Variants in ABI3BP observed in about 807,000 individuals in gnomAD.
ABI3BP encodes the protein ABI family member 3 binding protein.
In ABI3BP, 216 loss-of-function variants were observed where a neutral mutation model predicts 268.6. The observed-to-expected ratio is 0.80, with a 90% CI of 0.72 to 0.90. The LOEUF is 0.90. Among genes scored for constraint, ABI3BP ranks in the 40% least tolerant of loss-of-function variants. The probability of loss-of-function intolerance (pLI) is 0.00; values close to 1 mark genes in which losing one functional copy is unlikely to be tolerated. For synonymous variants in ABI3BP, 730 were observed against 730.0 expected (o/e 1.00, Z 0.00); for missense variants, 2,090 against 2,182.4 (o/e 0.96, Z 0.84).
chr3:100,827,869 C>T (rs912684412), intron 34 of ABI3BP, among the ~76,000 whole-genome samples: 7 of 152,030 alleles, frequency 4.6e-5, no homozygotes, highest in African/African-American at 7.2e-5. Flanking sequence ...ACTAAGGATA[C>T]AGTTTATTAT....
At chr3:100,971,017 T>C (rs2083360226) in intron 1 of ABI3BP, among the ~76,000 whole-genome samples, 1 of 152,220 alleles carries the variant, frequency 6.6e-6, no homozygotes, top group South Asian at 2.1e-4. Context: ...AGCTGCTTTC[T>C]TGGTAATTAT....
At chr3:100,937,356 T>C (rs952576552) in intron 1 of ABI3BP, among the ~76,000 whole-genome samples, 1 of 152,052 alleles carries the variant, frequency 6.6e-6, no homozygotes, top group Non-Finnish European at 1.5e-5. Context: ...CACAAGTCTG[T>C]GCAAAAACTT....
chr3:100,770,190 G>C (rs971658380), intron 62 of ABI3BP, among the ~76,000 whole-genome samples: 7 of 152,148 alleles, frequency 4.6e-5, no homozygotes, highest in Admixed American at 2.6e-4. Context: ...TGGAGAATCA[G>C]ACTGTTGTAT....
chr3:100,957,628 A>G (rs1050428666), intron 1 of ABI3BP, among the ~76,000 whole-genome samples: 5 of 152,180 alleles, frequency 3.3e-5, no homozygotes, highest in Non-Finnish European at 7.3e-5. Flanking sequence ...AATTTAAGAG[A>G]CTGGTAAAAT....
chr3:100,958,374 T>A (rs2077572670), intron 1 of ABI3BP, among the ~76,000 whole-genome samples: 1 of 152,138 alleles, frequency 6.6e-6, no homozygotes, highest in South Asian at 2.1e-4. Flanking sequence ...TTAGAGCGAG[T>A]GTACTTTGAG....
chr3:100,926,120 T>A lies in ABI3BP; in HGVS notation c.259+182A>T, dbSNP rs148904998. 6.6e-3 allele frequency among the ~76,000 whole-genome samples: 1,003 copies of A among 152,234 alleles called. 8 individuals are homozygous for A. The highest frequency in any genetic ancestry group is 0.021 in the African/African-American group (871 of 41,548). On this transcript the variant is annotated intron_variant, in intron 2 of 67. Transcript: ENST00000471714. The stretch of plus-strand genomic sequence containing the variant: ...GATAACTATTTCTGCATGTAATAAT[T>A]TTTTTAATGTAAAGAATTATGCTAT...
At chr3:100,793,426 T>A (rs1560149702) in intron 54 of ABI3BP, among the ~76,000 whole-genome samples, 1 of 152,036 alleles carries the variant, frequency 6.6e-6, no homozygotes, top group African/African-American at 2.4e-5. Flanking sequence ...TTTTCTGTCC[T>A]GCTTTTGTAT....
chr3:100,907,552 C>T (rs997654766), intron 2 of ABI3BP, among the ~76,000 whole-genome samples: 5 of 151,996 alleles, frequency 3.3e-5, no homozygotes, highest in African/African-American at 1.2e-4. Flanking sequence ...GTATTAGTAA[C>T]AATGGTGATT....
chr3:100,914,103 C>G (rs1307534590), intron 2 of ABI3BP, among the ~76,000 whole-genome samples: 2 of 152,064 alleles, frequency 1.3e-5, no homozygotes, highest in African/African-American at 4.8e-5. Context: ...AGTAATCAAA[C>G]AATTAGTCTT....
chr3:100,849,701 A>G (rs999799497), intron 17 of ABI3BP, among the ~76,000 whole-genome samples: 8 of 152,350 alleles, frequency 5.3e-5, no homozygotes, highest in East Asian at 3.9e-4. Context: ...TACTTTGGGT[A>G]AAATACTTTG....
At chr3:100,930,154 A>G (rs959949344) in intron 1 of ABI3BP, among the ~76,000 whole-genome samples, 13 of 152,162 alleles carry the variant, frequency 8.5e-5, no homozygotes, top group African/African-American at 2.9e-4. Flanking sequence ...AGAAAATAAT[A>G]CCACATGATA....
chr3:100,894,414 T>A (rs1004832603), intron 4 of ABI3BP, among the ~76,000 whole-genome samples: 1 of 152,150 alleles, frequency 6.6e-6, no homozygotes, highest in Non-Finnish European at 1.5e-5. Context: ...GGGCCTCCTA[T>A]GTTCCTGATG....
intron 6 of ABI3BP, among the ~76,000 whole-genome samples, chr3:100,883,680 G>A (rs1302695307): frequency 2.6e-5 from 4 of 152,030 alleles, no homozygotes; most frequent in Non-Finnish European, 5.9e-5. Flanking sequence ...CATTGCTGGC[G>A]AGTTTATAAA....
intron 7 of ABI3BP, 40 bp from the exon 8 acceptor site, chr3:100,875,619 T>G: frequency 7.1e-7 from 1 of 1,415,648 alleles, no homozygotes; most frequent in Non-Finnish European, 1.0e-6. Flanking sequence ...GGGTGGGAAA[T>G]AGGAGGCAGT....
chr3:100,898,697 T>G (rs2048810508), intron 4 of ABI3BP, 65 bp downstream of exon 4: 6 of 1,538,368 alleles, frequency 3.9e-6, no homozygotes, highest in Non-Finnish European at 4.4e-6. Flanking sequence ...ATGCTAACAG[T>G]CCTGATACTT....
chr3:100,982,289 A>C (rs149304542), intron 1 of ABI3BP, among the ~76,000 whole-genome samples: 12 of 152,226 alleles, frequency 7.9e-5, no homozygotes, highest in African/African-American at 2.9e-4. Context: ...GAGCCAAACT[A>C]TATTGGCAGG....
intron 1 of ABI3BP, among the ~76,000 whole-genome samples, chr3:100,990,614 A>G (rs943953935): frequency 3.3e-5 from 5 of 149,480 alleles, no homozygotes; most frequent in Non-Finnish European, 5.9e-5. Context: ...AAATATGTAC[A>G]TAAAAATGTA....
chr3:100,985,340 A>AG (rs2091335588), intron 1 of ABI3BP, among the ~76,000 whole-genome samples: 1 of 151,202 alleles, frequency 6.6e-6, no homozygotes, highest in East Asian at 2.0e-4. Flanking sequence ...TAGTAGAGAC[A>AG]GGGTTTCACC....
chr3:100,949,337 C>T (rs1183638152), intron 1 of ABI3BP, among the ~76,000 whole-genome samples: 2 of 152,180 alleles, frequency 1.3e-5, no homozygotes, highest in Non-Finnish European at 2.9e-5. Context: ...CTCACTGCAG[C>T]TTCTGCCTTA....
Sources: allele counts gnomAD v4.1 joint callset (sites outside exome capture counted in the v4.1 genomes callset), GRCh38; gene constraint gnomAD v4.1.1; transcripts MANE v1.5; gene names NCBI Gene and HGNC (gene_info 2026-07-23, HGNC 2026-07-21).